The following RPTOR variants were observed in gnomAD, a reference collection of about 807,000 sequenced individuals.
RPTOR encodes regulatory-associated protein of mTOR.
Under a neutral mutation model 169.9 loss-of-function variants are expected in RPTOR, and 21 were observed. The observed-to-expected ratio is 0.12, with a 90% CI of 0.09 to 0.18. The LOEUF (loss-of-function observed/expected upper bound fraction) is 0.18. RPTOR is among the 10% of genes least tolerant of loss of function. The probability of loss-of-function intolerance (pLI) is 1.00; values close to 1 mark genes in which losing one functional copy is unlikely to be tolerated. For missense variants in RPTOR, 1,133 were observed against 1,855.9 expected, an observed-to-expected ratio of 0.61 and a Z score of 7.16; for synonymous variants, 732 against 753.2, an observed-to-expected ratio of 0.97 and a Z score of 0.46.
chr17:80,568,110 T>A (rs574300970), intron 1 of RPTOR, among the ~76,000 whole-genome samples: 1 of 152,054 alleles, frequency 6.6e-6, no homozygotes, highest in African/African-American at 2.4e-5. Flanking sequence ...GATCTTGCCA[T>A]GTTGACCAGG....
At chr17:80,606,515 A>C (rs2065230503) in intron 1 of RPTOR, among the ~76,000 whole-genome samples, 1 of 152,090 alleles carries the variant, frequency 6.6e-6, no homozygotes, top group African/African-American at 2.4e-5. Context: ...AAATGAATGC[A>C]GTTGTGTAGC....
At chr17:80,908,759 GC>G in intron 20 of RPTOR, 51 bp from the exon 21 acceptor site, 1 of 1,331,458 alleles carries the variant, frequency 7.5e-7, no homozygotes, top group Non-Finnish European at 1.1e-6. Context: ...CGCCTTAGGA[GC>G]CTCATTGGCA....
At chr17:80,801,036 G>A (rs573074623) in intron 7 of RPTOR, among the ~76,000 whole-genome samples, 255 of 152,318 alleles carry the variant, frequency 1.7e-3, no homozygotes, top group Middle Eastern at 6.8e-3. Context: ...CCTGGAGCTT[G>A]GGTTTGACTC....
At chr17:80,595,385 C>T (rs1043398603) in intron 1 of RPTOR, among the ~76,000 whole-genome samples, 6 of 152,216 alleles carry the variant, frequency 3.9e-5, no homozygotes, top group Admixed American at 2.0e-4. Context: ...ATTGTGAGGA[C>T]GTGCCTGTTC....
intron 13 of RPTOR, among the ~76,000 whole-genome samples, chr17:80,873,518 T>C (rs1197857127): frequency 1.3e-5 from 2 of 152,180 alleles, no homozygotes; most frequent in African/African-American, 4.8e-5. Flanking sequence ...CTAACTCAAA[T>C]GCAGCAGCTT....
chr17:80,866,466 A>C (rs960327696), intron 13 of RPTOR, among the ~76,000 whole-genome samples: 1 of 152,204 alleles, frequency 6.6e-6, no homozygotes, highest in Non-Finnish European at 1.5e-5. Flanking sequence ...GACTAATACG[A>C]AAGAAGACAG....
intron 3 of RPTOR, among the ~76,000 whole-genome samples, chr17:80,703,970 T>C (rs908127862): frequency 6.6e-6 from 1 of 152,220 alleles, no homozygotes; most frequent in Admixed American, 6.5e-5. Context: ...GTCTTATAGC[T>C]GATGCGTTTG....
chr17:80,662,208 TG>T (rs1472338806), intron 3 of RPTOR, among the ~76,000 whole-genome samples: 1 of 152,188 alleles, frequency 6.6e-6, no homozygotes, highest in African/African-American at 2.4e-5. Context: ...CAGTTTCTCC[TG>T]GCCGAGGCCA....
chr17:80,853,941 A>G (rs1312257482), intron 11 of RPTOR, among the ~76,000 whole-genome samples: 1 of 152,012 alleles, frequency 6.6e-6, no homozygotes, highest in Non-Finnish European at 1.5e-5. Flanking sequence ...AGATTGCGCC[A>G]CTGCACTCCA....
intron 17 of RPTOR, among the ~76,000 whole-genome samples, chr17:80,890,096 G>C (rs996936426): frequency 2.0e-5 from 3 of 150,910 alleles, no homozygotes; most frequent in African/African-American, 4.9e-5. Context: ...TGCGGCCCCC[G>C]AGGGAGGCCC....
chr17:80,945,388 C>T (rs549490954), intron 25 of RPTOR, among the ~76,000 whole-genome samples: 1 of 152,044 alleles, frequency 6.6e-6, no homozygotes, highest in African/African-American at 2.4e-5. Flanking sequence ...GTCAGGAGAT[C>T]AAGACCATCC....
intron 1 of RPTOR, among the ~76,000 whole-genome samples, chr17:80,625,153 G>A (rs572233998): frequency 2.0e-5 from 3 of 152,330 alleles, no homozygotes; most frequent in African/African-American, 7.2e-5. Flanking sequence ...TGAGTAGTGA[G>A]TAGATGGTCC....
chr17:80,964,211 C>G, intron 33 of RPTOR, 51 bp from the exon 34 acceptor site: 1 of 1,328,154 alleles, frequency 7.5e-7, no homozygotes, highest in Non-Finnish European at 1.1e-6. Flanking sequence ...CCGCCCCCCG[C>G]AGTGTCTGCC....
intron 6 of RPTOR, among the ~76,000 whole-genome samples, chr17:80,763,542 T>A (rs1352761861): frequency 6.6e-6 from 1 of 152,108 alleles, no homozygotes; most frequent in Non-Finnish European, 1.5e-5. Flanking sequence ...ATGAGAAGTG[T>A]GCTTAGATAC....
At chr17:80,684,662 G>T (rs556275088) in intron 3 of RPTOR, among the ~76,000 whole-genome samples, 45 of 152,106 alleles carry the variant, frequency 3.0e-4, no homozygotes, top group African/African-American at 1.1e-3. Flanking sequence ...AGCCAGGATG[G>T]TCTCGATCTC....
At chr17:80,553,419 C>T (rs143647898) in intron 1 of RPTOR, among the ~76,000 whole-genome samples, 9 of 152,278 alleles carry the variant, frequency 5.9e-5, no homozygotes, top group South Asian at 4.1e-4. Flanking sequence ...ATACAGCTGA[C>T]AGTATTTGCT....
At chr17:80,839,747 C>T (rs2067606787) in intron 10 of RPTOR, among the ~76,000 whole-genome samples, 1 of 152,216 alleles carries the variant, frequency 6.6e-6, no homozygotes, top group South Asian at 2.1e-4. Context: ...GTACTCTGAG[C>T]GTGGCTTCAC....
At chr17:80,744,569 G>T (rs111666209) in intron 5 of RPTOR, among the ~76,000 whole-genome samples, 313 of 2,156 alleles carry the variant, frequency 0.15, 10 homozygotes, top group Middle Eastern at 0.5. Flanking sequence ...TCCTGGTTAC[G>T]AGCACAGCCC....
At chr17:80,661,324 T>C (rs1326582963) in intron 3 of RPTOR, among the ~76,000 whole-genome samples, 3 of 151,890 alleles carry the variant, frequency 2.0e-5, no homozygotes, top group African/African-American at 7.3e-5. Context: ...GAGGAGCAGA[T>C]GCAGTTCACT....
Sources: gnomAD v4.1 joint callset for allele counts (sites outside exome capture counted in the v4.1 genomes callset) on GRCh38, gnomAD v4.1.1 for gene constraint, MANE v1.5 for transcripts, NCBI Gene and HGNC (gene_info 2026-07-23, HGNC 2026-07-21) for gene names.